Variants in GPC5 observed in about 807,000 individuals in gnomAD.
GPC5 encodes the protein glypican 5, also known as glypican-5.
In GPC5, 47 loss-of-function variants were observed where a neutral mutation model predicts 53.9. The ratio of observed to expected loss-of-function variants is 0.87; its 90% CI spans 0.69 to 1.11. The LOEUF is 1.11. Ranked by LOEUF, GPC5 falls within the 50% of genes most tolerant of loss-of-function variation. GPC5 has a pLI of 0.00. For synonymous variants in GPC5, 286 were observed against 263.3 expected, an observed-to-expected ratio of 1.09 and a Z score of -0.84; for missense variants, 748 against 713.1, an observed-to-expected ratio of 1.05 and a Z score of -0.56.
At chr13:91,667,570 T>C (rs1203150827) in intron 2 of GPC5, among the ~76,000 whole-genome samples, 2 of 152,194 alleles carry the variant, frequency 1.3e-5, no homozygotes, top group African/African-American at 4.8e-5. Context: ...GGCATGATTC[T>C]GTGATGCACT....
chr13:92,827,234 C>T (rs2138816761), intron 7 of GPC5, among the ~76,000 whole-genome samples: 1 of 152,184 alleles, frequency 6.6e-6, no homozygotes, highest in East Asian at 1.9e-4. Context: ...TTCTGACCTT[C>T]AGAGTAGGAT....
chr13:91,803,013 C>G (rs1460282250), intron 5 of GPC5, among the ~76,000 whole-genome samples: 1 of 151,916 alleles, frequency 6.6e-6, no homozygotes, highest in East Asian at 1.9e-4. Flanking sequence ...GTGTTTTTTG[C>G]TTCTTTCTTA....
At chr13:92,339,865 CT>C (rs2043351650) in intron 7 of GPC5, 1 of 152,052 alleles carries the variant, frequency 6.6e-6, no homozygotes, top group Admixed American at 6.6e-5. Context: ...TATCAGACAG[CT>C]GATTATCTTG....
intron 7 of GPC5, among the ~76,000 whole-genome samples, chr13:92,343,977 A>T (rs1293749190): frequency 4.6e-5 from 7 of 152,248 alleles, no homozygotes; most frequent in South Asian, 4.1e-4. Context: ...GAGATAATAG[A>T]TAATGAGGAA....
chr13:92,179,635 C>G (rs977054016), intron 7 of GPC5, among the ~76,000 whole-genome samples: 5 of 152,202 alleles, frequency 3.3e-5, no homozygotes, highest in Admixed American at 6.5e-5. Flanking sequence ...TAGGCTACTT[C>G]TAGCTAAATG....
At chr13:92,532,862 A>G (rs1397313859) in intron 7 of GPC5, among the ~76,000 whole-genome samples, 1 of 152,174 alleles carries the variant, frequency 6.6e-6, no homozygotes, top group African/African-American at 2.4e-5. Flanking sequence ...GAAAGAACAT[A>G]TAACAAACAG....
intron 7 of GPC5, among the ~76,000 whole-genome samples, chr13:92,698,548 T>C (rs893020065): frequency 1.3e-5 from 2 of 152,240 alleles, no homozygotes; most frequent in African/African-American, 4.8e-5. Flanking sequence ...TGCCACATTT[T>C]CTTAATCCAG....
At chr13:92,731,324 A>G (rs1354602262) in intron 7 of GPC5, among the ~76,000 whole-genome samples, 4 of 151,532 alleles carry the variant, frequency 2.6e-5, no homozygotes, top group Non-Finnish European at 5.9e-5. Flanking sequence ...TCTAAAATAG[A>G]GTTATTTAAT....
At chr13:91,916,667 T>C (rs1314497278) in intron 6 of GPC5, among the ~76,000 whole-genome samples, 2 of 152,160 alleles carry the variant, frequency 1.3e-5, no homozygotes, top group African/African-American at 4.8e-5. Context: ...GAAAAGAGGT[T>C]TAATTGACTC....
In GPC5 at chr13:91,399,211, T is replaced by A; in HGVS notation, c.163+2T>A. The A allele has an allele frequency of 1.2e-6, 2 of 1,610,926 alleles. No individual in the cohort carries two copies. Among genetic ancestry groups the A allele is most frequent in the South Asian group, 2.2e-5 (2 of 90,762 alleles). Reference sequence around the variant, plus strand: ...GGCTGCCGGATTCGCCGCGGGCAGGTAAGGGGCAATGAGGGGGTCTCTGGA... The same window carrying A: ...GGCTGCCGGATTCGCCGCGGGCAGGAAAGGGGCAATGAGGGGGTCTCTGGA... On this transcript the variant is annotated splice_donor_variant, in intron 1 of 7. Transcript: ENST00000377067. LOFTEE classifies it high-confidence loss of function.
intron 5 of GPC5, among the ~76,000 whole-genome samples, chr13:91,796,390 A>G: frequency 6.6e-6 from 1 of 152,206 alleles, no homozygotes; most frequent in Non-Finnish European, 1.5e-5. Context: ...GTGGACAGCG[A>G]GCCAAAGCTC....
intron 4 of GPC5, among the ~76,000 whole-genome samples, chr13:91,741,503 A>G (rs1275781601): frequency 2.0e-5 from 3 of 152,198 alleles, no homozygotes; most frequent in Non-Finnish European, 2.9e-5. Flanking sequence ...AAATAATTAA[A>G]CGTGGGAAAA....
intron 2 of GPC5, among the ~76,000 whole-genome samples, chr13:91,509,846 C>T (rs974150843): frequency 6.6e-6 from 1 of 152,004 alleles, no homozygotes; most frequent in African/African-American, 2.4e-5. Context: ...AGCTTGAGTA[C>T]ACAAGATTAC....
intron 7 of GPC5, among the ~76,000 whole-genome samples, chr13:92,388,193 T>C (rs1253956726): frequency 6.6e-6 from 1 of 152,118 alleles, no homozygotes; most frequent in African/African-American, 2.4e-5. Context: ...TCATACTTCG[T>C]GATTTTTTCC....
At chr13:92,053,711 G>A (rs374676500) in intron 6 of GPC5, among the ~76,000 whole-genome samples, 17 of 151,848 alleles carry the variant, frequency 1.1e-4, no homozygotes, top group African/African-American at 4.1e-4. Flanking sequence ...ACTTTGATAT[G>A]TGTTCATTGC....
intron 2 of GPC5, among the ~76,000 whole-genome samples, chr13:91,685,980 A>T (rs925393093): frequency 1.3e-5 from 2 of 151,776 alleles, no homozygotes; most frequent in Admixed American, 1.3e-4. Flanking sequence ...AATAAAGGAT[A>T]TTGGTTTACT....
At chr13:92,700,061 C>CTAAG (rs1396390145) in intron 7 of GPC5, among the ~76,000 whole-genome samples, 2 of 152,086 alleles carry the variant, frequency 1.3e-5, no homozygotes, top group African/African-American at 4.8e-5. Context: ...GTGTGGGAGT[C>CTAAG]TAAGTATCTT....
At chr13:92,674,625 C>A (rs1886871669) in intron 7 of GPC5, among the ~76,000 whole-genome samples, 1 of 151,548 alleles carries the variant, frequency 6.6e-6, no homozygotes, top group Non-Finnish European at 1.5e-5. Flanking sequence ...AGTGGCATAT[C>A]ATCATACCAT....
At chr13:91,823,181 TAGG>T (rs1057318192) in intron 5 of GPC5, among the ~76,000 whole-genome samples, 1 of 151,992 alleles carries the variant, frequency 6.6e-6, no homozygotes, top group African/African-American at 2.4e-5. Context: ...TATGAAAAAG[TAGG>T]AGTTCAGATA....
Sources: allele counts gnomAD v4.1 joint callset (sites outside exome capture counted in the v4.1 genomes callset), GRCh38; gene constraint gnomAD v4.1.1; transcripts MANE v1.5; gene names NCBI Gene and HGNC (gene_info 2026-07-23, HGNC 2026-07-21).